The following IPPK variants were observed in gnomAD, a reference collection of about 807,000 sequenced individuals.
The protein encoded by IPPK is inositol-pentakisphosphate 2-kinase.
Under a neutral mutation model 64.6 loss-of-function variants are expected in IPPK, and 22 were observed. That is an observed-to-expected ratio of 0.34 (90% CI 0.24 to 0.49). The LOEUF is 0.49. Among genes scored for constraint, IPPK ranks in the 20% least tolerant of loss-of-function variants. IPPK has a pLI of 0.99. For missense variants in IPPK, 532 were observed against 630.7 expected (o/e 0.84, Z 1.68); for synonymous variants, 262 against 247.2 (o/e 1.06, Z -0.56).
chr9:92,650,092 A>G (rs1442138992), intron 4 of IPPK, among the ~76,000 whole-genome samples: 2 of 151,714 alleles, frequency 1.3e-5, no homozygotes, highest in African/African-American at 4.8e-5. Flanking sequence ...GGGAGGCCTA[A>G]GTGGGCAGAT....
In IPPK at chr9:92,648,207, T is replaced by A. The variant is rs1407094817; in HGVS notation, c.415-59A>T. 6.6e-6 allele frequency: 8 copies of A among 1,210,650 alleles called. No individual in the cohort carries two copies. The East Asian group carries it at 2.0e-4, about 30-fold the overall frequency. The allele number at this position is 1,210,650 out of a possible 1,614,324, so 75.0% of individuals were successfully genotyped here. A position where few individuals can be genotyped will look rare whatever the true frequency, so the allele number is the denominator to read the frequency against. ...TAGGAAGAAATCACATACCTCTAAA[T>A]AGACATATCACTGACTACAAGATAA... On this transcript the variant is annotated intron_variant, in intron 5 of 12. Transcript: ENST00000287996.
intron 11 of IPPK, among the ~76,000 whole-genome samples, chr9:92,629,886 A>G (rs1045299480): frequency 1.3e-5 from 2 of 152,206 alleles, no homozygotes; most frequent in Non-Finnish European, 2.9e-5. Flanking sequence ...ACAAGTAATA[A>G]CAAGTGTTGC....
Position 92,658,625 on chromosome 9 carries a change from C to A in IPPK, c.129+9G>T. 1 of 1,611,696 alleles carries A rather than the reference C, an allele frequency of 6.2e-7. No individual in the cohort carries two copies. The highest frequency in any genetic ancestry group is 1.3e-5 in the African/African-American group (1 of 74,980). On this transcript the variant is annotated intron_variant, in intron 2 of 12. Coordinates refer to ENST00000287996, the MANE Select transcript of IPPK (RefSeq NM_022755.6). ...GTTGTAAGTCTGGGTGCAAACCCAC[C>A]CATCTTACCTTCTTCCTATTTGGAG...
At chr9:92,618,450 C>T (rs544631120) in intron 12 of IPPK, 1 of 456,704 alleles carries the variant, frequency 2.2e-6, no homozygotes, top group East Asian at 6.9e-5. Flanking sequence ...ACATGTCTGT[C>T]CTTCAGCGGC....
At chr9:92,665,814 C>CAA (rs201137424) in intron 1 of IPPK, among the ~76,000 whole-genome samples, 15 of 151,148 alleles carry the variant, frequency 9.9e-5, no homozygotes, top group Admixed American at 9.2e-4. Flanking sequence ...TGCTGTATGG[C>CAA]AAAAAAAATA....
At chr9:92,640,852 T>C in intron 7 of IPPK, 70 bp from the exon 8 acceptor site, 2 of 1,093,400 alleles carry the variant, frequency 1.8e-6, no homozygotes, top group South Asian at 2.5e-5. Context: ...ACACACCTGC[T>C]CGTGGCTCAG....
In IPPK at chr9:92,670,087, A is replaced by C. The variant is rs1269154058; in HGVS notation, c.-99T>G. ...AACCAGCCGCTGCGGTCGGGGGAGGAGCGCCTGTCAGCTGCCGCCCCCGCT... is the reference window on the plus strand; with the variant it reads ...AACCAGCCGCTGCGGTCGGGGGAGGCGCGCCTGTCAGCTGCCGCCCCCGCT... On this transcript the variant is annotated 5_prime_UTR_variant, in exon 1 of 13. Coordinates refer to ENST00000287996, the MANE Select transcript of IPPK (RefSeq NM_022755.6). 1 of 755,352 alleles carries C rather than the reference A, an allele frequency of 1.3e-6. No individual in the cohort carries two copies. The highest frequency in any genetic ancestry group is 3.8e-5 in the Admixed American group (1 of 26,268). 46.8% of individuals were successfully genotyped at this position (755,352 alleles called of 1,614,324 possible).
rs771774958 is a variant in IPPK, at chr9:92,635,138, G to C, written c.1067+20C>G. Reference sequence around the variant, plus strand: ...AGTCTCCTCTCAGGGCTGCCCAACAGGGGGACCGCCCGACCTCACCTCTCC... The same window carrying C: ...AGTCTCCTCTCAGGGCTGCCCAACACGGGGACCGCCCGACCTCACCTCTCC... On this transcript the variant is annotated intron_variant, in intron 10 of 12. Transcript: ENST00000287996. The surrounding 1 kb of genome is among the most constrained non-coding windows in gnomAD (Gnocchi z 4.4). The C allele has an allele frequency of 9.4e-6, 15 of 1,601,982 alleles. No homozygotes were observed. The Admixed American group carries it at 1.4e-4, about 15-fold the overall frequency.
Position 92,634,430 on chromosome 9 carries a change from G to A in IPPK, c.1126C>T (p.Leu376Phe), listed in dbSNP as rs2277170. 84,998 of 1,613,796 alleles carry A rather than the reference G, an allele frequency of 0.053. 2,662 individuals are homozygous for A. Among genetic ancestry groups the A allele is most frequent in the South Asian group, 0.098 (8,939 of 91,052 alleles). The change falls in exon 11 of 13, where the codon CTT becomes TTT. Residue 376 changes from leucine to phenylalanine, a missense_variant. Physicochemically the swap from Leu to Phe is conservative, Grantham distance 22. Coordinates refer to ENST00000287996, the MANE Select transcript of IPPK (RefSeq NM_022755.6). ...ACTGTCCCGTCATCCTCAGTGGAAA[G>A]GTCAAGCAGCTTCTGGTAAAATGCT... Reference protein sequence around the residue: ...DEAFYQKLLDLSTEDDGTVAF... With the variant: ...DEAFYQKLLDFSTEDDGTVAF...
chr9:92,624,031 G>T (rs1258119502), intron 11 of IPPK, among the ~76,000 whole-genome samples: 1 of 152,200 alleles, frequency 6.6e-6, no homozygotes, highest in African/African-American at 2.4e-5. Flanking sequence ...GTGACTTGAA[G>T]CCAAACAATG....
chr9:92,640,634 C>G, intron 8 of IPPK, 76 bp downstream of exon 8: 1 of 967,022 alleles, frequency 1.0e-6, no homozygotes, highest in Non-Finnish European at 1.7e-6. Flanking sequence ...CCCAGCCCAA[C>G]ACCCTCATCT....
At chr9:92,626,200 A>G (rs932996151) in intron 11 of IPPK, among the ~76,000 whole-genome samples, 11 of 152,150 alleles carry the variant, frequency 7.2e-5, no homozygotes, top group Non-Finnish European at 1.5e-4. Context: ...GATTGAGACC[A>G]TCCTGACTAA....
chr9:92,644,488 G>A (rs2101775), intron 6 of IPPK, among the ~76,000 whole-genome samples: 2,405 of 152,106 alleles, frequency 0.016, 195 homozygotes, highest in Admixed American at 0.13. Flanking sequence ...CTGGGTTCCC[G>A]GAAAGATCAC....
At chr9:92,657,537 T>G (rs898250998) in intron 2 of IPPK, among the ~76,000 whole-genome samples, 6 of 151,570 alleles carry the variant, frequency 4.0e-5, no homozygotes, top group Admixed American at 1.3e-4. Flanking sequence ...CTTGGGGGAG[T>G]CAAGGTTAGG....
chr9:92,632,035 C>T (rs1193474521), intron 11 of IPPK, among the ~76,000 whole-genome samples: 1 of 152,204 alleles, frequency 6.6e-6, no homozygotes, highest in Non-Finnish European at 1.5e-5. Flanking sequence ...TCCACCTGGG[C>T]TGTTTAGCAA....
chr9:92,626,126 G>A (rs1851728904), intron 11 of IPPK, among the ~76,000 whole-genome samples: 1 of 152,138 alleles, frequency 6.6e-6, no homozygotes, highest in South Asian at 2.1e-4. Flanking sequence ...GGCCAGGTGT[G>A]GTAGCTCACG....
Position 92,639,728 on chromosome 9 carries a change from T to TA in IPPK, c.636+981dup, listed in dbSNP as rs1852011020. Among the ~76,000 whole-genome samples, 3 of 152,162 alleles carry TA rather than the reference T, an allele frequency of 2.0e-5. No individual in the cohort carries two copies. In the South Asian group the frequency reaches 6.2e-4, roughly 32 times the overall value. On this transcript the variant is annotated intron_variant, in intron 8 of 12. Coordinates refer to ENST00000287996, the MANE Select transcript of IPPK (RefSeq NM_022755.6). ...CTTCAGGGCTTAAATATCGAGTTTA[T>TA]AAAAATAAATTATATAAATATGAAA...
rs1038723655 is a variant in IPPK, at chr9:92,652,210, G to A, written c.292+363C>T. Among the ~76,000 whole-genome samples the A allele has an allele frequency of 2.0e-5, 3 of 152,084 alleles. No individual in the cohort carries two copies. In the South Asian group the frequency reaches 6.2e-4, roughly 32 times the overall value. ...CACGCCTATAATCCCAGCACTTTGGGAGGCCGAGGTGGGTGGATCACGAGG... is the reference window on the plus strand; with the variant it reads ...CACGCCTATAATCCCAGCACTTTGGAAGGCCGAGGTGGGTGGATCACGAGG... On this transcript the variant is annotated intron_variant, in intron 4 of 12. Transcript: ENST00000287996.
At chr9:92,640,457 C>T (rs561792336) in intron 8 of IPPK, among the ~76,000 whole-genome samples, 2 of 152,146 alleles carry the variant, frequency 1.3e-5, no homozygotes, top group African/African-American at 2.4e-5. Context: ...GGTCGAGCAC[C>T]CCAGGGTCAT....
Sources: allele counts gnomAD v4.1 joint callset (sites outside exome capture counted in the v4.1 genomes callset), GRCh38; gene constraint gnomAD v4.1.1; non-coding constraint Gnocchi (gnomAD v3.1); transcripts MANE v1.5; gene names NCBI Gene and HGNC (gene_info 2026-07-23, HGNC 2026-07-21).